GABBR2: variants seen among roughly 807,000 people sequenced by gnomAD.
GABBR2 encodes gamma-aminobutyric acid type B receptor subunit 2.
A neutral mutation model predicts 105.6 loss-of-function variants in GABBR2; 23 were observed. The ratio of observed to expected loss-of-function variants is 0.22; its 90% CI spans 0.16 to 0.31. The LOEUF (loss-of-function observed/expected upper bound fraction) is 0.31, where lower values mean the gene tolerates loss of function less well. Among genes scored for constraint, GABBR2 ranks in the 10% least tolerant of loss-of-function variants. The probability of loss-of-function intolerance (pLI) is 1.00; values close to 1 mark genes in which losing one functional copy is unlikely to be tolerated. For synonymous variants in GABBR2, 478 were observed against 499.7 expected (o/e 0.96, Z 0.58); for missense variants, 734 against 1,245.5 (o/e 0.59, Z 6.18).
intron 3 of GABBR2, among the ~76,000 whole-genome samples, chr9:98,511,766 T>C (rs1037439804): frequency 3.9e-5 from 6 of 152,134 alleles, no homozygotes; most frequent in African/African-American, 2.4e-5. Flanking sequence ...CAATAATCAA[T>C]AGATTACCAA....
intron 1 of GABBR2, among the ~76,000 whole-genome samples, chr9:98,614,378 G>T (rs540274376): frequency 1.1e-4 from 17 of 152,194 alleles, no homozygotes; most frequent in African/African-American, 3.9e-4. Flanking sequence ...ACAAAAATTA[G>T]CTGGGCATTG....
At chr9:98,340,182 GGTT>G (rs34443883) in intron 13 of GABBR2, among the ~76,000 whole-genome samples, 48,467 of 149,116 alleles carry the variant, frequency 0.33, 8,350 homozygotes, top group East Asian at 0.7. Flanking sequence ...TCCAGTGAGG[GGTT>G]TTTTTTTTTT....
intron 2 of GABBR2, among the ~76,000 whole-genome samples, chr9:98,549,515 T>G (rs901952753): frequency 2.6e-5 from 4 of 152,230 alleles, no homozygotes; most frequent in African/African-American, 9.6e-5. Context: ...CAGATGCCAT[T>G]TAAACCACAA....
At chr9:98,318,484 C>G (rs994979303) in intron 13 of GABBR2, among the ~76,000 whole-genome samples, 1 of 152,178 alleles carries the variant, frequency 6.6e-6, no homozygotes, top group Non-Finnish European at 1.5e-5. Flanking sequence ...TCATGTGCTT[C>G]TGTGTGTCCT....
intron 3 of GABBR2, among the ~76,000 whole-genome samples, chr9:98,525,778 T>G (rs1477877150): frequency 6.6e-6 from 1 of 152,210 alleles, no homozygotes; most frequent in Admixed American, 6.5e-5. Flanking sequence ...GTCCATCAAC[T>G]GATGAATGAT....
chr9:98,594,902 G>A (rs188444758), intron 1 of GABBR2, among the ~76,000 whole-genome samples: 7 of 152,342 alleles, frequency 4.6e-5, no homozygotes, highest in East Asian at 1.9e-4. Context: ...TGTGCTAGGC[G>A]TTTACTGAGG....
rs193265209 is a variant in GABBR2 at position 98,526,975 on chromosome 9, G to C, written c.630+14898C>G. On this transcript the variant is annotated intron_variant, in intron 3 of 18. Coordinates refer to ENST00000259455, the MANE Select transcript of GABBR2 (RefSeq NM_005458.8). ...CTAAGAGCATTCTCATTAAAGTCAA[G>C]GACAAGACAAGAATACCCACTGTTA... 2.6e-5 allele frequency among the ~76,000 whole-genome samples: 4 copies of C among 151,604 alleles called. No individual in the cohort carries two copies. The East Asian group carries it at 7.7e-4, about 29-fold the overall frequency.
chr9:98,563,875 T>A (rs1258909270), intron 2 of GABBR2, among the ~76,000 whole-genome samples: 1 of 152,222 alleles, frequency 6.6e-6, no homozygotes, highest in African/African-American at 2.4e-5. Flanking sequence ...ACAACTAATG[T>A]AGACTATGCT....
At chr9:98,585,630 T>C (rs1390454847) in intron 1 of GABBR2, among the ~76,000 whole-genome samples, 2 of 127,440 alleles carry the variant, frequency 1.6e-5, no homozygotes, top group East Asian at 4.6e-4. Context: ...ACCCTAAAAC[T>C]TAAAGTATAA....
Position 98,561,839 on chromosome 9 carries a change from G to A in GABBR2, c.459+16096C>T, listed in dbSNP as rs571303466. On this transcript the variant is annotated intron_variant, in intron 2 of 18. Transcript: ENST00000259455. The stretch of plus-strand genomic sequence containing the variant: ...TTTGAGGTTACAGTGAGCTATGATC[G>A]TGCCACTGCATTCTAGCCTGGGTGA... Among the ~76,000 whole-genome samples, 11 of 152,266 alleles carry A rather than the reference G, an allele frequency of 7.2e-5. No homozygotes were observed. In the East Asian group the frequency reaches 9.7e-4, roughly 13 times the overall value.
At chr9:98,544,009 C>T (rs189484680) in intron 2 of GABBR2, among the ~76,000 whole-genome samples, 21 of 151,904 alleles carry the variant, frequency 1.4e-4, no homozygotes, top group African/African-American at 4.8e-4. Flanking sequence ...GTCTGTCTGT[C>T]CTCCCTCCTT....
intron 10 of GABBR2, among the ~76,000 whole-genome samples, chr9:98,386,604 C>T (rs1343289982): frequency 1.3e-5 from 2 of 152,164 alleles, no homozygotes; most frequent in African/African-American, 4.8e-5. Flanking sequence ...TCCAGCTGCC[C>T]AGCAAGCCAG....
intron 12 of GABBR2, among the ~76,000 whole-genome samples, chr9:98,369,572 G>A (rs1239605847): frequency 1.3e-5 from 2 of 152,232 alleles, no homozygotes; most frequent in African/African-American, 4.8e-5. Context: ...ATCAGCAGTG[G>A]AGCAGAGCCT....
chr9:98,661,519 C>A (rs958655014), intron 1 of GABBR2, among the ~76,000 whole-genome samples: 3 of 152,000 alleles, frequency 2.0e-5, no homozygotes, highest in Admixed American at 6.6e-5. Context: ...TCCTGCCTCA[C>A]CCTCCTGAGT....
chr9:98,404,539 A>G (rs1832455601), intron 8 of GABBR2, among the ~76,000 whole-genome samples: 1 of 151,714 alleles, frequency 6.6e-6, no homozygotes, highest in Non-Finnish European at 1.5e-5. Flanking sequence ...AGCAGGCACC[A>G]CTCTTGTTTC....
chr9:98,686,802 A>G (rs1588283437), intron 1 of GABBR2, among the ~76,000 whole-genome samples: 1 of 152,058 alleles, frequency 6.6e-6, no homozygotes, highest in African/African-American at 2.4e-5. Context: ...TGAAGGGTCC[A>G]CCATCCACAG....
chr9:98,440,818 AG>A (rs1239305789), intron 7 of GABBR2, among the ~76,000 whole-genome samples: 1 of 152,220 alleles, frequency 6.6e-6, no homozygotes, highest in African/African-American at 2.4e-5. Flanking sequence ...CAGGGCCCAC[AG>A]CCATGCCATC....
intron 1 of GABBR2, among the ~76,000 whole-genome samples, chr9:98,636,047 C>T (rs536478746): frequency 6.6e-6 from 1 of 152,194 alleles, no homozygotes; most frequent in African/African-American, 2.4e-5. Flanking sequence ...AGACAGGAGT[C>T]GCAGATCTCA....
At position 98,565,727 on chromosome 9, in the gene GABBR2, G is replaced by C. The variant is rs547948768; in HGVS notation, c.459+12208C>G. Among the ~76,000 whole-genome samples the C allele has an allele frequency of 9.2e-5, 14 of 152,278 alleles. 2 individuals carry two copies. The highest frequency in any genetic ancestry group is 2.9e-4 in the African/African-American group (12 of 41,552). ...ATGCCACTGCCAAGCCCCAGACCAG[G>C]AACCGAGGCTGGAAGAGGCTAAGCA... is the stretch of plus-strand genomic sequence containing the variant. On this transcript the variant is annotated intron_variant, in intron 2 of 18. Coordinates refer to ENST00000259455, the MANE Select transcript of GABBR2 (RefSeq NM_005458.8).
Sources: gnomAD v4.1 joint callset for allele counts (sites outside exome capture counted in the v4.1 genomes callset) on GRCh38, gnomAD v4.1.1 for gene constraint, MANE v1.5 for transcripts, NCBI Gene and HGNC (gene_info 2026-07-23, HGNC 2026-07-21) for gene names.